MPPED2: variants seen among roughly 807,000 people sequenced by gnomAD.
MPPED2 encodes the protein metallophosphoesterase domain containing 2, also known as metallophosphoesterase MPPED2.
MPPED2 carries 5 observed loss-of-function variants against 33.0 expected under a neutral mutation model. That is an observed-to-expected ratio of 0.15 (90% CI 0.08 to 0.32). MPPED2 has a LOEUF of 0.32. Among genes scored for constraint, MPPED2 ranks in the 10% least tolerant of loss-of-function variants. The pLI, the probability that MPPED2 is intolerant of heterozygous loss-of-function variation, is 1.00. For missense variants in MPPED2, 275 were observed against 372.1 expected (o/e 0.74, Z 2.15); for synonymous variants, 136 against 141.9 (o/e 0.96, Z 0.29).
intron 4 of MPPED2, among the ~76,000 whole-genome samples, chr11:30,474,843 T>A (rs1258268070): frequency 6.6e-6 from 1 of 152,196 alleles, no homozygotes; most frequent in Admixed American, 6.5e-5. Flanking sequence ...TTTGAGTTGA[T>A]GTCTTATTAC....
At chr11:30,516,862 A>T (rs2134345733) in intron 3 of MPPED2, among the ~76,000 whole-genome samples, 1 of 152,324 alleles carries the variant, frequency 6.6e-6, no homozygotes, top group South Asian at 2.1e-4. Flanking sequence ...CATTCAATTG[A>T]GCAAGCATTT....
intron 4 of MPPED2, among the ~76,000 whole-genome samples, chr11:30,472,424 A>G (rs1950990801): frequency 6.6e-6 from 1 of 152,180 alleles, no homozygotes; most frequent in Non-Finnish European, 1.5e-5. Context: ...CCTTAGTTGC[A>G]GTTTAGGATA....
At chr11:30,511,731 G>C (rs1953207085) in intron 3 of MPPED2, among the ~76,000 whole-genome samples, 1 of 152,292 alleles carries the variant, frequency 6.6e-6, no homozygotes, top group Non-Finnish European at 1.5e-5. Flanking sequence ...ATCATCTATA[G>C]TTGATTAGCT....
rs1296104774 is a variant in MPPED2 at position 30,402,121 on chromosome 11, A to C, written c.766+12107T>G. 1.3e-5 allele frequency among the ~76,000 whole-genome samples: 2 copies of C among 152,104 alleles called. 1 individual carries two copies. The highest frequency in any genetic ancestry group is 4.1e-4 in the South Asian group (2 of 4,826). On this transcript the variant is annotated intron_variant, in intron 6 of 6. Coordinates refer to the MPPED2 transcript ENST00000448418. ...CTGAATTGCTTTTAACATTGGTCCA[A>C]AGTGGTGGTGATGAAGGGGTTCTTT...
At chr11:30,421,030 T>C (rs538911909) in intron 4 of MPPED2, among the ~76,000 whole-genome samples, 104 of 152,304 alleles carry the variant, frequency 6.8e-4, no homozygotes, top group African/African-American at 2.4e-3. Flanking sequence ...AACAAGCTTC[T>C]GGGCCTATGG....
At chr11:30,564,033 G>A (rs1317880720) in intron 2 of MPPED2, among the ~76,000 whole-genome samples, 2 of 152,158 alleles carry the variant, frequency 1.3e-5, no homozygotes, top group South Asian at 4.1e-4. Flanking sequence ...AAAGGAAATT[G>A]ACAAACTCTT....
intron 4 of MPPED2, among the ~76,000 whole-genome samples, chr11:30,478,761 C>G (rs1047430110): frequency 6.6e-6 from 1 of 152,072 alleles, no homozygotes; most frequent in African/African-American, 2.4e-5. Context: ...AATTTATGAA[C>G]CATTCAAATT....
At chr11:30,447,488 G>T (rs1411464420) in intron 4 of MPPED2, among the ~76,000 whole-genome samples, 1 of 152,158 alleles carries the variant, frequency 6.6e-6, no homozygotes, top group African/African-American at 2.4e-5. Flanking sequence ...TGGCTTTGGT[G>T]TTGCTGTTTA....
intron 4 of MPPED2, chr11:30,495,035 C>A: frequency 9.0e-6 from 4 of 444,748 alleles, no homozygotes; most frequent in South Asian, 3.3e-5. Context: ...GGACCAATAC[C>A]CCATGGACAC....
chr11:30,528,331 C>G (rs1954320287), intron 3 of MPPED2, among the ~76,000 whole-genome samples: 1 of 152,208 alleles, frequency 6.6e-6, no homozygotes, highest in Non-Finnish European at 1.5e-5. Flanking sequence ...TCTTGGCTCA[C>G]TGCAACCTCT....
intron 2 of MPPED2, among the ~76,000 whole-genome samples, chr11:30,540,463 T>C (rs1168457862): frequency 2.0e-5 from 3 of 152,130 alleles, no homozygotes; most frequent in African/African-American, 2.4e-5. Flanking sequence ...AAAATGATAA[T>C]GTACTCAAAG....
At chr11:30,568,140 G>A (rs1590889241) in intron 2 of MPPED2, among the ~76,000 whole-genome samples, 2 of 152,042 alleles carry the variant, frequency 1.3e-5, no homozygotes, top group South Asian at 4.2e-4. Flanking sequence ...GTGCTTTACT[G>A]GGCACTAAGC....
At chr11:30,392,906 T>C (rs935777608) in intron 6 of MPPED2, among the ~76,000 whole-genome samples, 1 of 152,150 alleles carries the variant, frequency 6.6e-6, no homozygotes, top group Non-Finnish European at 1.5e-5. Context: ...CTAGCTTCTT[T>C]CCAAACACTT....
chr11:30,411,209 A>G lies in MPPED2; in HGVS notation c.*259T>C, dbSNP rs1177900111. ...AGAAAGCTTGGCTGTCCTTTGGCGA[A>G]CACTAACAATTTACAATGGCATGGC... On this transcript the variant is annotated 3_prime_UTR_variant, in exon 7 of 7. Coordinates refer to ENST00000358117, the MANE Select transcript of MPPED2 (RefSeq NM_001584.3). 210 of 1,106,178 alleles carry G rather than the reference A, an allele frequency of 1.9e-4. No homozygotes were observed. The highest frequency in any genetic ancestry group is 2.3e-4 in the Non-Finnish European group (206 of 907,060). The allele number at this position is 1,106,178 out of a possible 1,614,324, so 68.5% of individuals were successfully genotyped here.
intron 2 of MPPED2, among the ~76,000 whole-genome samples, chr11:30,575,211 C>T (rs1309116392): frequency 6.6e-6 from 1 of 151,914 alleles, no homozygotes; most frequent in East Asian, 1.9e-4. Flanking sequence ...AGATACTACA[C>T]AATACAAAAT....
At chr11:30,558,972 T>G (rs902206265) in intron 2 of MPPED2, among the ~76,000 whole-genome samples, 4 of 152,098 alleles carry the variant, frequency 2.6e-5, no homozygotes, top group Non-Finnish European at 5.9e-5. Context: ...CATGGTTAAT[T>G]TTTTCAATGA....
At chr11:30,551,683 C>A (rs1346928757) in intron 2 of MPPED2, among the ~76,000 whole-genome samples, 1 of 152,106 alleles carries the variant, frequency 6.6e-6, no homozygotes, top group Non-Finnish European at 1.5e-5. Context: ...AATATAAATT[C>A]CTGCATGAAG....
At chr11:30,435,534 A>G (rs918783927) in intron 4 of MPPED2, among the ~76,000 whole-genome samples, 2 of 152,230 alleles carry the variant, frequency 1.3e-5, no homozygotes, top group Non-Finnish European at 2.9e-5. Context: ...ACTCTGGCTA[A>G]GCATACTGCA....
At chr11:30,544,971 T>C (rs760032838) in intron 2 of MPPED2, among the ~76,000 whole-genome samples, 1 of 152,088 alleles carries the variant, frequency 6.6e-6, no homozygotes, top group Non-Finnish European at 1.5e-5. Flanking sequence ...TAGAGAACTA[T>C]TAAGAGTGGT....
Sources: gnomAD v4.1 joint callset for allele counts (sites outside exome capture counted in the v4.1 genomes callset) on GRCh38, gnomAD v4.1.1 for gene constraint, MANE v1.5 for transcripts, NCBI Gene and HGNC (gene_info 2026-07-23, HGNC 2026-07-21) for gene names.